Variants in FGGY observed in about 807,000 individuals in gnomAD.
FGGY encodes the protein FGGY carbohydrate kinase domain containing.
In FGGY, 72 loss-of-function variants were observed where a neutral mutation model predicts 71.3. The ratio of observed to expected loss-of-function variants is 1.01; its 90% CI spans 0.84 to 1.23. The LOEUF is 1.23. Ranked by LOEUF, FGGY falls within the 50% of genes most tolerant of loss-of-function variation. The pLI is 0.00. For synonymous variants in FGGY, 251 were observed against 250.3 expected, an observed-to-expected ratio of 1.00 and a Z score of -0.02; for missense variants, 668 against 682.3, an observed-to-expected ratio of 0.98 and a Z score of 0.23.
At chr1:59,345,254 A>G (rs895677687) in intron 3 of FGGY, among the ~76,000 whole-genome samples, 1 of 152,226 alleles carries the variant, frequency 6.6e-6, no homozygotes, top group Non-Finnish European at 1.5e-5. Context: ...GTGTGAAAAT[A>G]TAATACCTGG....
intron 14 of FGGY, among the ~76,000 whole-genome samples, chr1:59,692,336 T>G (rs2097597085): frequency 6.6e-6 from 1 of 152,218 alleles, no homozygotes; most frequent in African/African-American, 2.4e-5. Context: ...ATCTTTGTAT[T>G]TATTATATAA....
intron 9 of FGGY, among the ~76,000 whole-genome samples, chr1:59,608,174 G>A (rs779731611): frequency 6.6e-6 from 1 of 152,122 alleles, no homozygotes; most frequent in Non-Finnish European, 1.5e-5. Context: ...AGAGTGATGA[G>A]AATGATATTC....
At chr1:59,597,151 C>A (rs2096532578) in intron 8 of FGGY, among the ~76,000 whole-genome samples, 1 of 152,204 alleles carries the variant, frequency 6.6e-6, no homozygotes, top group African/African-American at 2.4e-5. Flanking sequence ...GGTCAGGATT[C>A]TTCAGGTCTA....
intron 4 of FGGY, among the ~76,000 whole-genome samples, chr1:59,375,071 T>TA (rs369481865): frequency 0.046 from 6,415 of 140,344 alleles, 352 homozygotes; most frequent in African/African-American, 0.14. Flanking sequence ...ATAATAATAA[T>TA]AAAAAAAAAT....
chr1:59,525,266 G>T (rs2094945912), intron 7 of FGGY, among the ~76,000 whole-genome samples: 1 of 152,188 alleles, frequency 6.6e-6, no homozygotes, highest in African/African-American at 2.4e-5. Flanking sequence ...TCCACGCCTG[G>T]GTCACCCTTG....
chr1:59,466,731 T>C (rs2092654587), intron 6 of FGGY, among the ~76,000 whole-genome samples: 1 of 152,218 alleles, frequency 6.6e-6, no homozygotes, highest in Non-Finnish European at 1.5e-5. Context: ...AAGACATTTA[T>C]GCAGCCAACA....
chr1:59,755,751 TA>T (rs1180365598), intron 14 of FGGY: 2 of 152,182 alleles, frequency 1.3e-5, no homozygotes, highest in Admixed American at 6.5e-5. Flanking sequence ...AAATAACATT[TA>T]TGGAGTACCT....
intron 7 of FGGY, among the ~76,000 whole-genome samples, chr1:59,530,490 A>G (rs1409382614): frequency 1.3e-5 from 2 of 152,160 alleles, no homozygotes; most frequent in African/African-American, 4.8e-5. Flanking sequence ...CCATCCGAGT[A>G]TGATGTGGAA....
chr1:59,480,039 C>A (rs2093413385), intron 6 of FGGY, among the ~76,000 whole-genome samples: 2 of 152,200 alleles, frequency 1.3e-5, no homozygotes. Context: ...CAAAATGCTA[C>A]CTAGCCTGTG....
chr1:59,531,911 T>A (rs887474482), intron 7 of FGGY, among the ~76,000 whole-genome samples: 2 of 152,234 alleles, frequency 1.3e-5, no homozygotes, highest in Non-Finnish European at 2.9e-5. Context: ...GAAGCAAGGT[T>A]ATATCCTTTC....
chr1:59,743,864 C>T (rs572010059), intron 14 of FGGY, among the ~76,000 whole-genome samples: 1 of 152,304 alleles, frequency 6.6e-6, no homozygotes, highest in African/African-American at 2.4e-5. Flanking sequence ...TCTTCCTTCC[C>T]TTCATTAACC....
chr1:59,699,864 C>T (rs1159565525), intron 14 of FGGY, among the ~76,000 whole-genome samples: 4 of 152,136 alleles, frequency 2.6e-5, no homozygotes, highest in African/African-American at 9.7e-5. Flanking sequence ...GCGAATGTCT[C>T]GCTTCTCACA....
chr1:59,641,287 C>G, intron 11 of FGGY: 1 of 1,610,260 alleles, frequency 6.2e-7, no homozygotes, highest in Non-Finnish European at 8.5e-7. Context: ...CAGAGAACCA[C>G]TGGATATCTG....
chr1:59,587,643 A>C (rs765028143), intron 8 of FGGY, among the ~76,000 whole-genome samples: 6 of 152,194 alleles, frequency 3.9e-5, no homozygotes, highest in African/African-American at 1.4e-4. Context: ...GTTCACGATA[A>C]TCCCCTGTTC....
chr1:59,442,560 T>A (rs549516987), intron 5 of FGGY, among the ~76,000 whole-genome samples: 1 of 152,332 alleles, frequency 6.6e-6, no homozygotes, highest in South Asian at 2.1e-4. Flanking sequence ...AACTTCCTTT[T>A]AATGTTTTTA....
chr1:59,735,586 C>CT (rs2098094190), intron 14 of FGGY, among the ~76,000 whole-genome samples: 1 of 152,194 alleles, frequency 6.6e-6, no homozygotes, highest in African/African-American at 2.4e-5. Context: ...GATTACTTCT[C>CT]AACCCACCAT....
chr1:59,732,483 G>A (rs577358308), intron 14 of FGGY, among the ~76,000 whole-genome samples: 1 of 152,318 alleles, frequency 6.6e-6, no homozygotes, highest in Admixed American at 6.5e-5. Flanking sequence ...GCACAGAAAA[G>A]GATGATCCTG....
At position 59,715,167 on chromosome 1, in the gene FGGY, G is replaced by A. The variant is rs141399196; in HGVS notation, c.1512+41034G>A. ...TGAAGCATTTTTCCATGGTAGAAAA[G>A]TTCTGGCATTCCAAAGCAGAACTAA... On this transcript the variant is annotated intron_variant, in intron 14 of 15. Transcript: ENST00000303721. Among the ~76,000 whole-genome samples, 441 of 152,288 alleles carry A rather than the reference G, an allele frequency of 2.9e-3. 5 individuals are homozygous for A. The highest frequency in any genetic ancestry group is 0.023 in the Admixed American group (346 of 15,302).
At chr1:59,429,982 A>C (rs2067049912) in intron 5 of FGGY, among the ~76,000 whole-genome samples, 1 of 152,160 alleles carries the variant, frequency 6.6e-6, no homozygotes, top group African/African-American at 2.4e-5. Flanking sequence ...AGCTGAAGGG[A>C]GATTTTTCCC....
Sources: allele counts gnomAD v4.1 joint callset (sites outside exome capture counted in the v4.1 genomes callset), GRCh38; gene constraint gnomAD v4.1.1; transcripts MANE v1.5; gene names NCBI Gene and HGNC (gene_info 2026-07-23, HGNC 2026-07-21).